Variants in NEB observed in about 807,000 individuals in gnomAD.
The protein encoded by NEB is nebulin.
A neutral mutation model predicts 952.2 loss-of-function variants in NEB; 512 were observed. That is an observed-to-expected ratio of 0.54 (90% CI 0.50 to 0.58). The LOEUF (loss-of-function observed/expected upper bound fraction) is 0.58, where lower values mean the gene tolerates loss of function less well. Among genes scored for constraint, NEB ranks in the 20% least tolerant of loss-of-function variants. The probability of loss-of-function intolerance (pLI) is 0.00; values close to 1 mark genes in which losing one functional copy is unlikely to be tolerated. For synonymous variants in NEB, 2,900 were observed against 3,149.8 expected, an observed-to-expected ratio of 0.92 and a Z score of 2.66; for missense variants, 8,428 against 9,231.1, an observed-to-expected ratio of 0.91 and a Z score of 3.56.
intron 78 of NEB, among the ~76,000 whole-genome samples, chr2:151,611,740 G>A (rs2097975093): frequency 6.6e-6 from 1 of 152,180 alleles, no homozygotes; most frequent in African/African-American, 2.4e-5. Flanking sequence ...TAATGTGGAG[G>A]AGCAACCTGA....
intron 1 of NEB, among the ~76,000 whole-genome samples, chr2:151,734,067 A>G (rs1252899280): frequency 6.6e-6 from 1 of 152,204 alleles, no homozygotes; most frequent in Non-Finnish European, 1.5e-5. Context: ...GAAGCCCAGT[A>G]GAACAGGATA....
At chr2:151,494,665 A>G (rs1340925558) in intron 173 of NEB, among the ~76,000 whole-genome samples, 1 of 151,804 alleles carries the variant, frequency 6.6e-6, no homozygotes, top group Non-Finnish European at 1.5e-5. Context: ...TTTGTTTTTG[A>G]GACAGAGGAG....
At chr2:151,552,475 G>A (rs2095397919) in intron 128 of NEB, among the ~76,000 whole-genome samples, 197 bp downstream of exon 128, 3 of 152,252 alleles carry the variant, frequency 2.0e-5, no homozygotes, top group East Asian at 1.9e-4. Context: ...CTACAACTCC[G>A]CCCCAGCAAA....
intron 10 of NEB, chr2:151,716,182 A>C: frequency 4.8e-6 from 2 of 418,262 alleles, no homozygotes; most frequent in Non-Finnish European, 9.3e-6. Flanking sequence ...CTTGTTGCCC[A>C]GACTGGAGTG....
rs778689682 is a variant in NEB, at chr2:151,640,343, C to T, written c.8685+12G>A. 6.2e-7 allele frequency: 1 copy of T among 1,611,790 alleles called. No homozygotes were observed. The highest frequency in any genetic ancestry group is 1.1e-5 in the South Asian group (1 of 91,030). On this transcript the variant is annotated intron_variant, in intron 61 of 181. Transcript: ENST00000397345. ...CCCACCTCTGCACGTTATTATGACT[C>T]TCAGTACTCACATCGCTCTGGAGGT...
chr2:151,530,716 A>C (rs943297693), intron 145 of NEB: 3 of 319,516 alleles, frequency 9.4e-6, no homozygotes, highest in African/African-American at 6.3e-5. Context: ...CCCAGCTCCC[A>C]GCCCGCAGCC....
intron 60 of NEB, 98 bp downstream of exon 60, chr2:151,642,476 C>A (rs983248676): frequency 9.9e-7 from 1 of 1,007,830 alleles, no homozygotes; most frequent in Non-Finnish European, 1.5e-6. Flanking sequence ...TTAGCAACAG[C>A]TTTAACCTCA....
At chr2:151,620,671 G>C (rs938708802) in intron 72 of NEB, among the ~76,000 whole-genome samples, 6 of 151,972 alleles carry the variant, frequency 3.9e-5, no homozygotes, top group Non-Finnish European at 5.9e-5. Context: ...CACACATCTA[G>C]CTTTAATCGA....
chr2:151,658,213 C>T lies in NEB; in HGVS notation c.6076-123G>A, dbSNP rs1296828823. ...TTTTGAGCAGAATGCTTCGTTGGTGCTTCAGTGGCTGAATGTTCTTACAAG... is the reference window on the plus strand; with the variant it reads ...TTTTGAGCAGAATGCTTCGTTGGTGTTTCAGTGGCTGAATGTTCTTACAAG... On this transcript the variant is annotated intron_variant, in intron 47 of 181. Transcript: ENST00000397345. The T allele has an allele frequency of 4.7e-6, 3 of 641,636 alleles. No individual in the cohort carries two copies. In the East Asian group the frequency reaches 8.3e-5, roughly 18 times the overall value. The allele number at this position is 641,636 out of a possible 1,614,324, so 39.7% of individuals were successfully genotyped here.
At chr2:151,677,812 G>A in intron 33 of NEB, 41 bp from the exon 34 acceptor site, 1 of 1,610,990 alleles carries the variant, frequency 6.2e-7, no homozygotes, top group East Asian at 2.2e-5. Context: ...CCTAGGACAG[G>A]GTTCTTTTCA....
chr2:151,493,668 T>G (rs2058247486), intron 175 of NEB, 107 bp downstream of exon 175: 1 of 956,534 alleles, frequency 1.0e-6, no homozygotes, highest in Non-Finnish European at 1.5e-6. Context: ...GAAGAATTTT[T>G]AAAGATACAC....
rs753378097 is a variant in NEB, at chr2:151,678,183, T to C, written c.3260A>G (p.Gln1087Arg). 6.9e-6 allele frequency: 11 copies of C among 1,583,140 alleles called. No homozygotes were observed. In the Admixed American group the frequency reaches 1.9e-4, roughly 28 times the overall value. ...KAARQAASDV[Q>R]YKKDYEKAKG... is the part of the protein sequence containing the mutation. ...AGCCTTTTCATAGTCTTTTTTGTAC[T>C]GAACCTATTGTAAACAAAGGTGGGC... Residue 1087 changes from glutamine to arginine, a missense_variant, in exon 33 of 182, where the codon CAG (glutamine) becomes CGG (arginine). By Grantham distance (43) the Gln-to-Arg change is conservative. Transcript: ENST00000397345.
chr2:151,690,568 C>T, intron 24 of NEB, 159 bp downstream of exon 24: 1 of 624,772 alleles, frequency 1.6e-6, no homozygotes, highest in Non-Finnish European at 2.9e-6. Context: ...GGCTGCAATT[C>T]AATCTAGCAG....
intron 45 of NEB, 39 bp downstream of exon 45, chr2:151,663,509 A>G (rs2099169971): frequency 1.9e-6 from 3 of 1,552,586 alleles, no homozygotes; most frequent in Non-Finnish European, 2.6e-6. Context: ...GTTGCTTATT[A>G]TCCAGAGTAA....
rs373197663 is a variant in NEB at position 151,505,617 on chromosome 2, C to T, written c.23650-47G>A. The T allele has an allele frequency of 8.5e-5, 122 of 1,441,686 alleles. No individual in the cohort carries two copies. The African/African-American group carries it at 1.4e-3, about 17-fold the overall frequency. 89.3% of individuals were successfully genotyped at this position (1,441,686 alleles called of 1,614,324 possible). ...AAGAAAGGTATTATTACATGCTGGA[C>T]TGTTATTCTTCCCAACATGTACATG... On this transcript the variant is annotated intron_variant, in intron 164 of 181. Coordinates refer to ENST00000397345, the MANE Select transcript of NEB (RefSeq NM_001164508.2).
intron 54 of NEB, among the ~76,000 whole-genome samples, chr2:151,649,926 C>T (rs535581703): frequency 1.3e-5 from 2 of 152,056 alleles, no homozygotes; most frequent in East Asian, 3.9e-4. Context: ...ACAGTTTGTT[C>T]GATCATTTTC....
rs57312023 is a variant in NEB, at chr2:151,716,614, C to T, written c.822+802G>A. 1.9e-3 allele frequency among the ~76,000 whole-genome samples: 285 copies of T among 152,044 alleles called. 4 individuals are homozygous for T. In the East Asian group the frequency reaches 0.023, roughly 12 times the overall value. On this transcript the variant is annotated intron_variant, in intron 10 of 181. Transcript: ENST00000397345. ...CAGTTAGGTAATCTACAATATAAAA[C>T]ACTAATAAACATCACTGAATAGACA...
At chr2:151,693,924 T>G (rs2099576739) in intron 20 of NEB, among the ~76,000 whole-genome samples, 1 of 152,188 alleles carries the variant, frequency 6.6e-6, no homozygotes, top group East Asian at 1.9e-4. Context: ...ATTAATTTCT[T>G]TACTTCTTTT....
At position 151,643,291 on chromosome 2, in the gene NEB, G is replaced by A. The variant is rs755883171; in HGVS notation, c.8019C>T (p.Leu2673=). The change falls in exon 58 of 182, where the codon CTC becomes CTT. Residue 2673 remains leucine (L), a synonymous_variant. Coordinates refer to ENST00000397345, the MANE Select transcript of NEB (RefSeq NM_001164508.2). ...TGGCTCGTTTATTTTTCTCATCCTCGAGAGAACCACTAGTCATCCAGCCAA... is the reference window on the plus strand; with the variant it reads ...TGGCTCGTTTATTTTTCTCATCCTCAAGAGAACCACTAGTCATCCAGCCAA... ...KGIGWMTSGS[L]EDEKNKRATQ... is the part of the protein sequence containing the mutation. 34 of 1,613,692 alleles carry A rather than the reference G, an allele frequency of 2.1e-5. No individual in the cohort carries two copies. In the African/African-American group the frequency reaches 3.2e-4, roughly 15 times the overall value.
Sources: gnomAD v4.1 joint callset for allele counts (sites outside exome capture counted in the v4.1 genomes callset) on GRCh38, gnomAD v4.1.1 for gene constraint, MANE v1.5 for transcripts, NCBI Gene and HGNC (gene_info 2026-07-23, HGNC 2026-07-21) for gene names.